The following TLR2 variants were observed in gnomAD, a reference collection of about 807,000 sequenced individuals.
The protein encoded by TLR2 is toll like receptor 2.
TLR2 carries 7 observed loss-of-function variants against 9.1 expected under a neutral mutation model. The observed-to-expected ratio is 0.77, with a 90% CI of 0.44 to 1.44. The LOEUF (loss-of-function observed/expected upper bound fraction) is 1.44, where lower values mean the gene tolerates loss of function less well. Among genes scored for constraint, TLR2 ranks in the 40% most tolerant of loss-of-function variants. The pLI, the probability that TLR2 is intolerant of heterozygous loss-of-function variation, is 0.01. For synonymous variants in TLR2, 317 were observed against 344.6 expected (o/e 0.92, Z 0.89); for missense variants, 812 against 904.6 (o/e 0.90, Z 1.31).
Position 153,703,611 on chromosome 4 carries a change from A to T in TLR2, c.704A>T (p.Asp235Val). The part of the protein sequence containing the change: ...ECLELRDTDL[D>V]TFHFSELSTG... ...TTGGAACTGCGAGATACTGATTTGG[A>T]CACTTTCCATTTTTCAGAACTATCC... is the stretch of plus-strand genomic sequence containing the variant. The change falls in exon 3 of 3, where the codon GAC (aspartate) becomes GTC (valine). Residue 235 changes from aspartate (D) to valine (V), a missense_variant. By Grantham distance (152) the Asp-to-Val change is radical. Transcript: ENST00000642700. 1 of 1,614,016 alleles carries T rather than the reference A, an allele frequency of 6.2e-7. No homozygotes were observed. Among genetic ancestry groups the T allele is most frequent in the Non-Finnish European group, 8.5e-7 (1 of 1,179,996 alleles).
downstream of TLR2, among the ~76,000 whole-genome samples, chr4:153,709,724 G>A (rs962952357): frequency 2.6e-5 from 4 of 152,242 alleles, no homozygotes; most frequent in Admixed American, 2.0e-4. Context: ...GCACGCGCAC[G>A]CAGAGTGGAA....
chr4:153,703,736 T>A lies in TLR2; in HGVS notation c.829T>A (p.Ser277Thr). Residue 277 changes from serine to threonine, a missense_variant, in exon 3 of 3, where the codon TCT becomes ACT. By Grantham distance (58) the Ser-to-Thr change is moderately conservative. Transcript: ENST00000642700. ...GGTTATGAAACTTTTGAATCAGATT[T>A]CTGGATTGTTAGAATTAGAGTTTGA... ...FQVMKLLNQI[S>T]GLLELEFDDC... 1 of 1,614,008 alleles carries A rather than the reference T, an allele frequency of 6.2e-7. No homozygotes were observed. The highest frequency in any genetic ancestry group is 8.5e-7 in the Non-Finnish European group (1 of 1,179,998).
chr4:153,687,607 G>A (rs952534793), intron 1 of TLR2, among the ~76,000 whole-genome samples: 2 of 150,722 alleles, frequency 1.3e-5, no homozygotes. Flanking sequence ...CTTTTTTTTT[G>A]TAATTAATAG....
chr4:153,698,824 ATCT>A (rs1219015104), intron 2 of TLR2, among the ~76,000 whole-genome samples: 1 of 152,164 alleles, frequency 6.6e-6, no homozygotes, highest in Non-Finnish European at 1.5e-5. Context: ...GCTTTTAAAG[ATCT>A]TCTAATTCAC....
chr4:153,700,118 C>T (rs1293418835), intron 2 of TLR2, among the ~76,000 whole-genome samples: 2 of 152,038 alleles, frequency 1.3e-5, no homozygotes, highest in African/African-American at 2.4e-5. Flanking sequence ...AGGTCCCAGA[C>T]TCTTTTTAAA....
At chr4:153,684,952 C>A (rs912419951) in intron 1 of TLR2, among the ~76,000 whole-genome samples, 32 of 152,198 alleles carry the variant, frequency 2.1e-4, no homozygotes, top group Admixed American at 2.0e-3. Flanking sequence ...AGGCTTTCAA[C>A]GAGCTAGCGT....
chr4:153,703,477 G>A lies in TLR2; in HGVS notation c.570G>A (p.Glu190=). 1 of 1,613,732 alleles carries A rather than the reference G, an allele frequency of 6.2e-7. No homozygotes were observed. The highest frequency in any genetic ancestry group is 2.2e-5 in the East Asian group (1 of 44,866). Residue 190 remains glutamate, a synonymous_variant, in exon 3 of 3, where the codon GAG becomes GAA. Transcript: ENST00000642700. The stretch of plus-strand genomic sequence containing the variant: ...ATGCTTCAGATCTACAGAGCTATGA[G>A]CCAAAAAGTTTGAAGTCAATTCAGA... ...EIDASDLQSY[E]PKSLKSIQNV...
chr4:153,684,498 T>C (rs1026257659), intron 1 of TLR2, 138 bp downstream of exon 1: 3 of 152,450 alleles, frequency 2.0e-5, no homozygotes, highest in Admixed American at 1.3e-4. Flanking sequence ...CCTGGGCCCC[T>C]AGCTCCTGTC....
At chr4:153,695,033 A>G (rs1736393527) in intron 2 of TLR2, among the ~76,000 whole-genome samples, 1 of 152,130 alleles carries the variant, frequency 6.6e-6, no homozygotes, top group Non-Finnish European at 1.5e-5. Flanking sequence ...ATAGTACCCC[A>G]TTGTATATAT....
At chr4:153,691,334 T>A (rs966548220) in intron 2 of TLR2, among the ~76,000 whole-genome samples, 2 of 152,214 alleles carry the variant, frequency 1.3e-5, no homozygotes, top group Non-Finnish European at 2.9e-5. Context: ...GCTTGCTGTA[T>A]TTGTGCCTTT....
intron 2 of TLR2, among the ~76,000 whole-genome samples, chr4:153,689,054 G>T (rs1735919757): frequency 6.6e-6 from 1 of 152,210 alleles, no homozygotes. Flanking sequence ...ATTTTAATGG[G>T]TTAATCACTG....
chr4:153,694,455 GC>G (rs1553949033), intron 2 of TLR2, among the ~76,000 whole-genome samples: 2 of 152,202 alleles, frequency 1.3e-5, no homozygotes, highest in Non-Finnish European at 2.9e-5. Context: ...GCTGCTTAAG[GC>G]AAACAGGCAC....
At chr4:153,685,810 T>A (rs761424321) in intron 1 of TLR2, among the ~76,000 whole-genome samples, 6 of 152,076 alleles carry the variant, frequency 3.9e-5, no homozygotes, top group Admixed American at 2.6e-4. Flanking sequence ...AGAGAGACAA[T>A]AGAACATAAA....
At chr4:153,693,308 C>A (rs897287861) in intron 2 of TLR2, among the ~76,000 whole-genome samples, 1 of 152,178 alleles carries the variant, frequency 6.6e-6, no homozygotes, top group East Asian at 1.9e-4. Flanking sequence ...AAAGGAGAAC[C>A]TGTTCCATAT....
At chr4:153,697,094 T>C (rs1736559038) in intron 2 of TLR2, among the ~76,000 whole-genome samples, 2 of 152,048 alleles carry the variant, frequency 1.3e-5, no homozygotes, top group Non-Finnish European at 2.9e-5. Context: ...ACTGAATGGA[T>C]ATAAGAAAGT....
At chr4:153,706,823 T>C (rs1318863099), downstream of TLR2, among the ~76,000 whole-genome samples, 1 of 152,196 alleles carries the variant, frequency 6.6e-6, no homozygotes, top group Non-Finnish European at 1.5e-5. Flanking sequence ...AAAAAGTTTT[T>C]CTGTCTTTAA....
chr4:153,700,423 AAAG>A (rs1318185951), intron 2 of TLR2, among the ~76,000 whole-genome samples: 2 of 152,244 alleles, frequency 1.3e-5, no homozygotes, highest in Non-Finnish European at 2.9e-5. Flanking sequence ...GTGATAAGTT[AAAG>A]AAGACCTAAA....
Position 153,703,212 on chromosome 4 carries a change from T to A in TLR2, c.305T>A (p.Leu102His), listed in dbSNP as rs1455850790. The part of the protein sequence containing the change: ...EEDSFSSLGS[L>H]EHLDLSYNYL... The stretch of plus-strand genomic sequence containing the variant: ...GATTCTTTTTCTTCCCTGGGCAGTC[T>A]TGAACATTTAGACTTATCCTATAAT... The change falls in exon 3 of 3, where the codon CTT becomes CAT. Residue 102 changes from leucine to histidine, a missense_variant. Physicochemically the swap from Leu to His is moderately conservative, Grantham distance 99. Transcript: ENST00000642700. 6.2e-7 allele frequency: 1 copy of A among 1,614,134 alleles called. No individual in the cohort carries two copies. Among genetic ancestry groups the A allele is most frequent in the Non-Finnish European group, 8.5e-7 (1 of 1,180,044 alleles).
At chr4:153,694,776 T>C (rs577464952) in intron 2 of TLR2, among the ~76,000 whole-genome samples, 1 of 152,338 alleles carries the variant, frequency 6.6e-6, no homozygotes, top group East Asian at 1.9e-4. Flanking sequence ...ATTCATTTTA[T>C]CTAAGTATAT....
Sources: gnomAD v4.1 joint callset for allele counts (sites outside exome capture counted in the v4.1 genomes callset) on GRCh38, gnomAD v4.1.1 for gene constraint, MANE v1.5 for transcripts, NCBI Gene and HGNC (gene_info 2026-07-23, HGNC 2026-07-21) for gene names.